The following BCR variants were observed in gnomAD, a reference collection of about 807,000 sequenced individuals.
BCR encodes BCR activator of RhoGEF and GTPase.
BCR carries 58 observed loss-of-function variants against 138.6 expected under a neutral mutation model. The ratio of observed to expected loss-of-function variants is 0.42; its 90% CI spans 0.34 to 0.52. BCR has a LOEUF of 0.52. Ranked by LOEUF, BCR falls within the 20% of genes least tolerant of loss-of-function variation. The pLI, the probability that BCR is intolerant of heterozygous loss-of-function variation, is 0.06. For synonymous variants in BCR, 786 were observed against 730.1 expected (o/e 1.08, Z -1.23); for missense variants, 1,599 against 1,727.2 (o/e 0.93, Z 1.32).
chr22:23,227,728 C>G (rs1329593160), intron 1 of BCR, among the ~76,000 whole-genome samples: 1 of 152,226 alleles, frequency 6.6e-6, no homozygotes, highest in Non-Finnish European at 1.5e-5. Flanking sequence ...GTGCTGCACC[C>G]TTTTAGAACT....
At chr22:23,311,413 C>T (rs933648289) in intron 18 of BCR, among the ~76,000 whole-genome samples, 10 of 151,698 alleles carry the variant, frequency 6.6e-5, no homozygotes, top group East Asian at 2.0e-4. Context: ...ATGCCCTTCC[C>T]GTGCTGACTT....
In BCR at chr22:23,264,137, C is replaced by G. The variant is rs1438642063; in HGVS notation, c.1752+2597C>G. On this transcript the variant is annotated intron_variant, in intron 4 of 22. Transcript: ENST00000305877. The stretch of plus-strand genomic sequence containing the variant: ...AGTGGGAGGAGCCCCACAACAGCAC[C>G]CTGTACTGCCTGCAGACAGATGGCA... 5.3e-6 allele frequency: 8 copies of G among 1,514,190 alleles called. No individual in the cohort carries two copies. The Admixed American group carries it at 1.3e-4, about 25-fold the overall frequency. The allele number at this position is 1,514,190 out of a possible 1,614,324, so 93.8% of individuals were successfully genotyped here. A position where few individuals can be genotyped will look rare whatever the true frequency, so the allele number is the denominator to read the frequency against.
At chr22:23,289,433 G>T in intron 12 of BCR, 84 bp from the exon 13 acceptor site, 1 of 1,162,488 alleles carries the variant, frequency 8.6e-7, no homozygotes, top group Non-Finnish European at 1.3e-6. Context: ...CTTCCCCAGG[G>T]TGTGTGGTGG....
intron 1 of BCR, among the ~76,000 whole-genome samples, chr22:23,227,041 A>G (rs1029655055): frequency 6.6e-6 from 1 of 152,144 alleles, no homozygotes; most frequent in African/African-American, 2.4e-5. Flanking sequence ...TGCTGGGAAC[A>G]CAGTTCACCT....
At chr22:23,299,644 T>G (rs767801174) in intron 16 of BCR, among the ~76,000 whole-genome samples, 2 of 151,810 alleles carry the variant, frequency 1.3e-5, no homozygotes, top group Non-Finnish European at 2.9e-5. Flanking sequence ...ACATAAAACA[T>G]ACATCTGTAT....
At chr22:23,301,928 C>T (rs2073906158) in intron 16 of BCR, among the ~76,000 whole-genome samples, 1 of 152,220 alleles carries the variant, frequency 6.6e-6, no homozygotes, top group South Asian at 2.1e-4. Context: ...CACCTGCCCA[C>T]ACACAAGGAC....
chr22:23,231,545 A>AAATAG (rs1277294425), intron 1 of BCR, among the ~76,000 whole-genome samples: 13 of 151,856 alleles, frequency 8.6e-5, no homozygotes, highest in African/African-American at 3.1e-4. Context: ...AAATAAAATA[A>AAATAG]AATAAATAAA....
chr22:23,257,251 C>A (rs934081293), intron 2 of BCR, among the ~76,000 whole-genome samples: 2 of 152,192 alleles, frequency 1.3e-5, no homozygotes, highest in Non-Finnish European at 2.9e-5. Context: ...TCCACCCCAC[C>A]CCGTCCATGC....
At chr22:23,265,828 G>T (rs1348126047) in intron 4 of BCR, among the ~76,000 whole-genome samples, 1 of 152,136 alleles carries the variant, frequency 6.6e-6, no homozygotes, top group South Asian at 2.1e-4. Flanking sequence ...CATTTGCTAA[G>T]AACAAGGACA....
chr22:23,185,140 C>G (rs2072322996), intron 1 of BCR, among the ~76,000 whole-genome samples: 1 of 152,150 alleles, frequency 6.6e-6, no homozygotes, highest in Non-Finnish European at 1.5e-5. Flanking sequence ...GTGGGGCTGC[C>G]CATTTACAGG....
intron 1 of BCR, among the ~76,000 whole-genome samples, chr22:23,208,231 G>T (rs146782534): frequency 2.6e-5 from 4 of 152,240 alleles, no homozygotes; most frequent in Admixed American, 6.5e-5. Flanking sequence ...GAACCCACCC[G>T]GCTGGCAGTG....
intron 8 of BCR, among the ~76,000 whole-genome samples, chr22:23,277,066 G>T (rs903897220): frequency 6.6e-6 from 1 of 152,246 alleles, no homozygotes; most frequent in African/African-American, 2.4e-5. Flanking sequence ...CACTAGCCAG[G>T]AAAGGGGGGC....
intron 4 of BCR, chr22:23,262,704 TGAGG>T: frequency 5.5e-6 from 1 of 180,802 alleles, no homozygotes; most frequent in Non-Finnish European, 7.4e-6. Context: ...CGGGCCCGGG[TGAGG>T]GCGGGCCCGG....
intron 1 of BCR, among the ~76,000 whole-genome samples, chr22:23,220,089 G>T (rs1018489210): frequency 6.6e-6 from 1 of 152,200 alleles, no homozygotes; most frequent in East Asian, 1.9e-4. Context: ...CTTTGAGGCT[G>T]TGTGGGCACG....
At chr22:23,206,068 C>T (rs562026995) in intron 1 of BCR, among the ~76,000 whole-genome samples, 5 of 152,242 alleles carry the variant, frequency 3.3e-5, no homozygotes, top group East Asian at 3.9e-4. Flanking sequence ...GAGAAGTTGC[C>T]GGAGGAGGAA....
intron 4 of BCR, chr22:23,262,726 C>A: frequency 6.3e-6 from 4 of 632,906 alleles, no homozygotes; most frequent in East Asian, 1.5e-4. Context: ...CGGGTGAGGG[C>A]GGGGGCGGAG....
At position 23,304,305 on chromosome 22, in the gene BCR, C is replaced by T. The variant is rs1467472112; in HGVS notation, c.3013-5119C>T. 2.0e-5 allele frequency among the ~76,000 whole-genome samples: 3 copies of T among 152,012 alleles called. No individual in the cohort carries two copies. In the East Asian group the frequency reaches 5.8e-4, roughly 29 times the overall value. ...TGCTTTTTGTCTTTAGAGATTTGCCCATTCTTCACATTTCATAAACGTGGA... is the reference window on the plus strand; with the variant it reads ...TGCTTTTTGTCTTTAGAGATTTGCCTATTCTTCACATTTCATAAACGTGGA... On this transcript the variant is annotated intron_variant, in intron 16 of 22. Transcript: ENST00000305877.
intron 4 of BCR, among the ~76,000 whole-genome samples, chr22:23,266,015 C>T (rs1161432742): frequency 6.6e-6 from 1 of 152,094 alleles, no homozygotes; most frequent in Non-Finnish European, 1.5e-5. Context: ...CTTGGTTGTC[C>T]CATCTCTCTA....
At chr22:23,272,973 T>C in intron 6 of BCR, 108 bp from the exon 7 acceptor site, 1 of 1,226,026 alleles carries the variant, frequency 8.2e-7, no homozygotes, top group Non-Finnish European at 1.2e-6. Context: ...ATGGGGCCTG[T>C]GGAGGCTGGG....
Sources: gnomAD v4.1 joint callset for allele counts (sites outside exome capture counted in the v4.1 genomes callset) on GRCh38, gnomAD v4.1.1 for gene constraint, MANE v1.5 for transcripts, NCBI Gene and HGNC (gene_info 2026-07-23, HGNC 2026-07-21) for gene names.